The following NCAM2 variants were observed in gnomAD, a reference collection of about 807,000 sequenced individuals.
NCAM2 encodes N-CAM-2.
In NCAM2, 30 loss-of-function variants were observed where a neutral mutation model predicts 98.1. The observed-to-expected ratio is 0.31, with a 90% CI of 0.23 to 0.41. The LOEUF is 0.41. NCAM2 is among the 10% of genes least tolerant of loss of function. The pLI is 1.00. For missense variants in NCAM2, 867 were observed against 1,005.8 expected, an observed-to-expected ratio of 0.86 and a Z score of 1.87; for synonymous variants, 368 against 342.4, an observed-to-expected ratio of 1.07 and a Z score of -0.83.
intron 1 of NCAM2, among the ~76,000 whole-genome samples, chr21:21,170,451 A>C (rs2068085660): frequency 6.6e-6 from 1 of 152,226 alleles, no homozygotes; most frequent in Non-Finnish European, 1.5e-5. Flanking sequence ...GCATATTACC[A>C]AGTAAAGAAG....
chr21:21,533,387 G>A (rs936615371), intron 16 of NCAM2, among the ~76,000 whole-genome samples: 5 of 151,624 alleles, frequency 3.3e-5, no homozygotes, highest in South Asian at 2.1e-4. Flanking sequence ...GTATTTAGTC[G>A]TTTCAAACTG....
At chr21:21,518,962 A>C (rs1219815557) in intron 16 of NCAM2, among the ~76,000 whole-genome samples, 1 of 152,150 alleles carries the variant, frequency 6.6e-6, no homozygotes, top group African/African-American at 2.4e-5. Flanking sequence ...CAGGGAGGTG[A>C]CATTAAGCTT....
At chr21:21,123,925 C>T (rs2066732357) in intron 1 of NCAM2, among the ~76,000 whole-genome samples, 1 of 139,416 alleles carries the variant, frequency 7.2e-6, no homozygotes, top group South Asian at 2.3e-4. Flanking sequence ...TGGCTCACTG[C>T]AAGCTCCACC....
intron 12 of NCAM2, among the ~76,000 whole-genome samples, chr21:21,441,126 A>G (rs548779204): frequency 6.6e-6 from 1 of 152,326 alleles, no homozygotes; most frequent in African/African-American, 2.4e-5. Context: ...TTTCTGCTTC[A>G]GCAGTAGTTA....
At chr21:21,332,632 G>T (rs1470943554) in intron 6 of NCAM2, among the ~76,000 whole-genome samples, 1 of 152,126 alleles carries the variant, frequency 6.6e-6, no homozygotes, top group Non-Finnish European at 1.5e-5. Context: ...GATATCTATA[G>T]CTCTGTTGTC....
chr21:21,495,684 G>A (rs1987176035), intron 15 of NCAM2, among the ~76,000 whole-genome samples: 2 of 151,872 alleles, frequency 1.3e-5, no homozygotes, highest in African/African-American at 4.8e-5. Flanking sequence ...TAATATCCAT[G>A]TATGTTTTCT....
intron 1 of NCAM2, among the ~76,000 whole-genome samples, chr21:21,227,551 G>A (rs562658029): frequency 6.6e-6 from 1 of 151,806 alleles, no homozygotes; most frequent in South Asian, 2.1e-4. Flanking sequence ...GTTCCAAACA[G>A]CATTTCATAG....
chr21:21,439,453 T>G (rs779891490), intron 12 of NCAM2, among the ~76,000 whole-genome samples: 2 of 152,178 alleles, frequency 1.3e-5, no homozygotes, highest in African/African-American at 2.4e-5. Flanking sequence ...TAGCAAAAGT[T>G]TTTATTTTAA....
intron 14 of NCAM2, among the ~76,000 whole-genome samples, chr21:21,474,998 T>C (rs1466934590): frequency 6.7e-6 from 1 of 149,080 alleles, no homozygotes; most frequent in Non-Finnish European, 1.5e-5. Flanking sequence ...AACACATATA[T>C]AATACATTAT....
At chr21:21,274,000 T>C (rs1380281135) in intron 1 of NCAM2, among the ~76,000 whole-genome samples, 2 of 151,820 alleles carry the variant, frequency 1.3e-5, no homozygotes, top group Non-Finnish European at 2.9e-5. Flanking sequence ...ACCCTGTCTC[T>C]ACTAAAAATA....
intron 5 of NCAM2, among the ~76,000 whole-genome samples, chr21:21,303,772 T>G (rs1271836026): frequency 6.6e-6 from 1 of 152,146 alleles, no homozygotes; most frequent in Admixed American, 6.5e-5. Flanking sequence ...CTCCACATCC[T>G]CACCAAAACT....
At chr21:21,163,938 G>A (rs1212687128) in intron 1 of NCAM2, among the ~76,000 whole-genome samples, 1 of 152,130 alleles carries the variant, frequency 6.6e-6, no homozygotes, top group African/African-American at 2.4e-5. Flanking sequence ...GATGGCCCCA[G>A]TTTTCTCCTG....
At chr21:21,059,250 G>A (rs2065274360) in intron 1 of NCAM2, among the ~76,000 whole-genome samples, 1 of 151,954 alleles carries the variant, frequency 6.6e-6, no homozygotes, top group East Asian at 1.9e-4. Context: ...CAGGAAAAAA[G>A]CTTTCTGCAA....
intron 12 of NCAM2, among the ~76,000 whole-genome samples, chr21:21,443,020 A>G (rs1053556535): frequency 1.3e-5 from 2 of 152,078 alleles, no homozygotes; most frequent in African/African-American, 4.8e-5. Flanking sequence ...TAGTGCTATA[A>G]ATTTTCCTCT....
chr21:21,326,526 G>C (rs2074515681), intron 6 of NCAM2, among the ~76,000 whole-genome samples: 1 of 151,880 alleles, frequency 6.6e-6, no homozygotes, highest in Non-Finnish European at 1.5e-5. Flanking sequence ...TAGCTGGCTT[G>C]GTTTTTCAGA....
chr21:21,345,507 T>G (rs1221454898), intron 8 of NCAM2, among the ~76,000 whole-genome samples: 1 of 151,988 alleles, frequency 6.6e-6, no homozygotes, highest in African/African-American at 2.4e-5. Flanking sequence ...ATTAGAGTCC[T>G]TTAATAGCAG....
intron 11 of NCAM2, among the ~76,000 whole-genome samples, chr21:21,424,736 A>G (rs533961768): frequency 6.6e-6 from 1 of 152,178 alleles, no homozygotes; most frequent in African/African-American, 2.4e-5. Context: ...GATCTTAAAA[A>G]CATTCATCAT....
At chr21:21,189,394 C>A (rs989287119) in intron 1 of NCAM2, among the ~76,000 whole-genome samples, 4 of 152,038 alleles carry the variant, frequency 2.6e-5, no homozygotes, top group South Asian at 2.1e-4. Context: ...AAAAATTGTG[C>A]AAATGAGGAT....
intron 8 of NCAM2, among the ~76,000 whole-genome samples, chr21:21,352,696 C>T (rs1317261088): frequency 6.7e-6 from 1 of 149,880 alleles, no homozygotes; most frequent in Non-Finnish European, 1.5e-5. Flanking sequence ...ATATCTCAGA[C>T]ACAAGCCCAA....
Sources: allele counts gnomAD v4.1 joint callset (sites outside exome capture counted in the v4.1 genomes callset), GRCh38; gene constraint gnomAD v4.1.1; transcripts MANE v1.5; gene names NCBI Gene and HGNC (gene_info 2026-07-23, HGNC 2026-07-21).